The following EXOC4 variants were observed in gnomAD, a reference collection of about 807,000 sequenced individuals.
EXOC4 encodes exocyst complex component 4.
A neutral mutation model predicts 107.2 loss-of-function variants in EXOC4; 71 were observed. That is an observed-to-expected ratio of 0.66 (90% CI 0.55 to 0.81). The LOEUF (loss-of-function observed/expected upper bound fraction) is 0.81, where lower values mean the gene tolerates loss of function less well. Ranked by LOEUF, EXOC4 falls within the 30% of genes least tolerant of loss-of-function variation. EXOC4 has a pLI of 0.00. For missense variants in EXOC4, 1,108 were observed against 1,189.6 expected (o/e 0.93, Z 1.01); for synonymous variants, 456 against 441.2 (o/e 1.03, Z -0.42).
At chr7:133,664,422 G>A (rs1400210872) in intron 10 of EXOC4, among the ~76,000 whole-genome samples, 1 of 152,120 alleles carries the variant, frequency 6.6e-6, no homozygotes, top group Non-Finnish European at 1.5e-5. Flanking sequence ...GTATGTCAGT[G>A]TATGTTGGTC....
At chr7:133,457,063 G>A (rs971754416) in intron 7 of EXOC4, among the ~76,000 whole-genome samples, 3 of 152,120 alleles carry the variant, frequency 2.0e-5, no homozygotes, top group Admixed American at 6.5e-5. Context: ...ATAAATGCTC[G>A]TCGAATGAAC....
intron 14 of EXOC4, among the ~76,000 whole-genome samples, chr7:133,941,614 C>T (rs893622032): frequency 4.6e-5 from 7 of 152,172 alleles, no homozygotes; most frequent in African/African-American, 1.7e-4. Context: ...CCACACAGTA[C>T]ACAGTTCCCT....
At chr7:133,902,866 CA>C (rs71162040) in intron 12 of EXOC4, among the ~76,000 whole-genome samples, 15 of 144,728 alleles carry the variant, frequency 1.0e-4, no homozygotes, top group African/African-American at 1.5e-4. Context: ...AAAAACAAAA[CA>C]AAAAAAAAAA....
intron 11 of EXOC4, among the ~76,000 whole-genome samples, chr7:133,850,479 T>C (rs1165976175): frequency 1.3e-5 from 2 of 152,098 alleles, no homozygotes; most frequent in Admixed American, 6.6e-5. Context: ...CCAAACAGGA[T>C]ATAGTATATA....
intron 9 of EXOC4, among the ~76,000 whole-genome samples, chr7:133,568,601 T>C (rs1166657340): frequency 6.6e-6 from 1 of 152,190 alleles, no homozygotes; most frequent in Non-Finnish European, 1.5e-5. Flanking sequence ...TTTCAACCAG[T>C]TTTCATTGAG....
At position 133,464,810 on chromosome 7, in the gene EXOC4, G is replaced by GTTTTTTTTTT. The variant is rs1491525276; in HGVS notation, c.1183-10518_1183-10517insTTTTTTTTTT. On this transcript the variant is annotated intron_variant, in intron 7 of 17. Coordinates refer to ENST00000253861, the MANE Select transcript of EXOC4 (RefSeq NM_021807.4). ...GTTTTTTTTTTTTGTTGGTTGGGTT[G>GTTTTTTTTTT]GTTTTTTTTTTTTTTTTTTTTTTTT... is the stretch of plus-strand genomic sequence containing the variant. 4.0e-4 allele frequency among the ~76,000 whole-genome samples: 42 copies of GTTTTTTTTTT among 105,678 alleles called. 5 individuals carry two copies. The highest frequency in any genetic ancestry group is 1.0e-3 in the East Asian group (3 of 2,912). The allele number at this position is 105,678 out of a possible 152,430, so 69.3% of individuals were successfully genotyped here. A position where few individuals can be genotyped will look rare whatever the true frequency, so the allele number is the denominator to read the frequency against.
At chr7:133,254,527 CTTGT>C (rs1359153932) in intron 1 of EXOC4, among the ~76,000 whole-genome samples, 3 of 152,118 alleles carry the variant, frequency 2.0e-5, no homozygotes, top group African/African-American at 4.8e-5. Context: ...CTTTTTTGAA[CTTGT>C]TTGTTTTTTC....
In EXOC4 at chr7:133,339,830, G is replaced by A. The variant is rs113747427; in HGVS notation, c.764-16500G>A. Among the ~76,000 whole-genome samples the A allele has an allele frequency of 6.4e-4, 98 of 152,282 alleles. 1 individual carries two copies. The East Asian group carries it at 0.018, about 28-fold the overall frequency. ...TCAGCTTGGTCACAGTTGGCATATA[G>A]CAGTGCTACTGATTTGTGTACATTG... On this transcript the variant is annotated intron_variant, in intron 5 of 17. Coordinates refer to ENST00000253861, the MANE Select transcript of EXOC4 (RefSeq NM_021807.4).
At chr7:133,330,396 G>A (rs1685573) in intron 5 of EXOC4, among the ~76,000 whole-genome samples, 98,497 of 151,624 alleles carry the variant, frequency 0.65, 34,633 homozygotes, top group East Asian at 0.84. Flanking sequence ...CCAGAACTTC[G>A]CTCCCTGGCT....
chr7:133,599,906 TTTTTTTTTTG>T (rs1289762792), intron 9 of EXOC4, among the ~76,000 whole-genome samples: 3 of 115,458 alleles, frequency 2.6e-5, no homozygotes, highest in Admixed American at 8.2e-5. Context: ...TTTTTTTTTT[TTTTTTTTTTG>T]GGAGACAGGG....
intron 17 of EXOC4, among the ~76,000 whole-genome samples, chr7:134,025,145 A>G (rs142965854): frequency 2.7e-4 from 41 of 152,240 alleles, no homozygotes; most frequent in East Asian, 7.7e-4. Flanking sequence ...TGTTACATAC[A>G]TATATTTATG....
chr7:133,421,145 G>C (rs1797594951), intron 7 of EXOC4, among the ~76,000 whole-genome samples: 1 of 152,012 alleles, frequency 6.6e-6, no homozygotes, highest in South Asian at 2.1e-4. Flanking sequence ...GGGCTGTTGT[G>C]TGTGAATTGA....
intron 1 of EXOC4, 196 bp downstream of exon 1, chr7:133,253,383 TAG>T: frequency 7.4e-6 from 10 of 1,355,718 alleles, no homozygotes; most frequent in Non-Finnish European, 9.5e-6. Flanking sequence ...GGGTTAGCTA[TAG>T]AGAGAGGAGC....
chr7:133,413,018 T>C (rs1797397650), intron 7 of EXOC4, among the ~76,000 whole-genome samples: 1 of 152,110 alleles, frequency 6.6e-6, no homozygotes, highest in African/African-American at 2.4e-5. Flanking sequence ...GGGTTAATGC[T>C]GGTGCTTTAA....
At chr7:133,854,942 T>A (rs1798316697) in intron 11 of EXOC4, among the ~76,000 whole-genome samples, 1 of 148,256 alleles carries the variant, frequency 6.7e-6, no homozygotes, top group African/African-American at 2.5e-5. Context: ...TTCATGTCTT[T>A]CTCATTTGCA....
At chr7:133,769,596 G>T (rs751009471) in intron 10 of EXOC4, among the ~76,000 whole-genome samples, 2 of 151,478 alleles carry the variant, frequency 1.3e-5, no homozygotes, top group Non-Finnish European at 2.9e-5. Flanking sequence ...ATTAACAATT[G>T]AAGGGAATAG....
intron 3 of EXOC4, among the ~76,000 whole-genome samples, chr7:133,292,736 T>C (rs927828285): frequency 2.0e-5 from 3 of 152,198 alleles, no homozygotes; most frequent in Non-Finnish European, 2.9e-5. Flanking sequence ...CTTTTGTTTG[T>C]GTGGTAGGTC....
At position 133,419,269 on chromosome 7, in the gene EXOC4, G is replaced by C. The variant is rs192315433; in HGVS notation, c.1182+44267G>C. Among the ~76,000 whole-genome samples the C allele has an allele frequency of 1.8e-3, 267 of 152,240 alleles. 1 individual carries two copies. The highest frequency in any genetic ancestry group is 0.01 in the Middle Eastern group (3 of 294). The stretch of plus-strand genomic sequence containing the variant: ...CCAGCAGCATATGAGCTGATGTATG[G>C]TTAGTAGGACTGAAAAAATGTCAAG... On this transcript the variant is annotated intron_variant, in intron 7 of 17. Transcript: ENST00000253861.
At chr7:133,884,076 A>G (rs972957757) in intron 11 of EXOC4, among the ~76,000 whole-genome samples, 2 of 152,228 alleles carry the variant, frequency 1.3e-5, no homozygotes, top group Non-Finnish European at 2.9e-5. Flanking sequence ...AATAAACAAA[A>G]CCATTATTGT....
Sources: gnomAD v4.1 joint callset for allele counts (sites outside exome capture counted in the v4.1 genomes callset) on GRCh38, gnomAD v4.1.1 for gene constraint, MANE v1.5 for transcripts, NCBI Gene and HGNC (gene_info 2026-07-23, HGNC 2026-07-21) for gene names.